ADGRV1: variants seen among roughly 807,000 people sequenced by gnomAD.
The protein encoded by ADGRV1 is G-protein coupled receptor 98.
Under a neutral mutation model 596.2 loss-of-function variants are expected in ADGRV1, and 359 were observed. The ratio of observed to expected loss-of-function variants is 0.60; its 90% CI spans 0.55 to 0.66. The LOEUF is 0.66. Ranked by LOEUF, ADGRV1 falls within the 30% of genes least tolerant of loss-of-function variation. ADGRV1 has a pLI of 0.00. For missense variants in ADGRV1, 7,274 were observed against 7,575.6 expected (o/e 0.96, Z 1.48); for synonymous variants, 2,681 against 2,679.2 (o/e 1.00, Z -0.02).
intron 83 of ADGRV1, among the ~76,000 whole-genome samples, chr5:90,882,540 C>A (rs2150548205): frequency 6.6e-6 from 1 of 152,264 alleles, no homozygotes. Context: ...AAATACTTTT[C>A]TCTGTGATAA....
chr5:91,131,389 G>A (rs183761489), intron 87 of ADGRV1, among the ~76,000 whole-genome samples: 15 of 148,296 alleles, frequency 1.0e-4, no homozygotes, highest in Non-Finnish European at 1.0e-4. Flanking sequence ...TTTGTTGACT[G>A]CTTGTATGTC....
rs577367928 is a variant in ADGRV1 at position 91,143,212 on chromosome 5, G to A, written c.18433-6818G>A. On this transcript the variant is annotated intron_variant, in intron 87 of 89. Transcript: ENST00000405460. ...GGACCTGCAGAGCCCCAAAGAGGGT[G>A]TCACTGCCCTGGCTTGGGGCACTCC... is the stretch of plus-strand genomic sequence containing the variant. Among the ~76,000 whole-genome samples, 35 of 152,354 alleles carry A rather than the reference G, an allele frequency of 2.3e-4. No individual in the cohort carries two copies. The South Asian group carries it at 6.6e-3, about 29-fold the overall frequency.
At chr5:90,939,852 G>A (rs1397066363) in intron 83 of ADGRV1, among the ~76,000 whole-genome samples, 2 of 152,128 alleles carry the variant, frequency 1.3e-5, no homozygotes, top group African/African-American at 2.4e-5. Context: ...GTGGCCTCAT[G>A]TGGAAAATAG....
In ADGRV1 at chr5:90,638,257, G is replaced by A. The variant is rs6889828; in HGVS notation, c.2240+309G>A. On this transcript the variant is annotated intron_variant, in intron 11 of 89. Transcript: ENST00000405460. ...ATGTTGTTATATTAAAAAAAAAATA[G>A]GCACCAGCAAATCTAAAATGTTAGG... is the stretch of plus-strand genomic sequence containing the variant. Among the ~76,000 whole-genome samples the A allele has an allele frequency of 0.18, 27,510 of 151,672 alleles. 2,682 individuals carry two copies. Among genetic ancestry groups the A allele is most frequent in the East Asian group, 0.4 (2,077 of 5,160 alleles).
intron 70 of ADGRV1, among the ~76,000 whole-genome samples, chr5:90,796,193 A>G (rs982815931): frequency 6.6e-6 from 1 of 152,212 alleles, no homozygotes; most frequent in Non-Finnish European, 1.5e-5. Flanking sequence ...CTAAGGGAGC[A>G]TATTCTAACC....
intron 76 of ADGRV1, among the ~76,000 whole-genome samples, chr5:90,824,432 C>A (rs1384805208): frequency 6.6e-6 from 1 of 152,232 alleles, no homozygotes; most frequent in Non-Finnish European, 1.5e-5. Context: ...AAAGTTGATG[C>A]AGGCAAATGT....
At chr5:90,681,899 G>A (rs560273404) in intron 27 of ADGRV1, among the ~76,000 whole-genome samples, 4 of 139,552 alleles carry the variant, frequency 2.9e-5, no homozygotes, top group African/African-American at 5.4e-5. Flanking sequence ...ACGGAGTTTC[G>A]CTCTTGTTGC....
intron 57 of ADGRV1, among the ~76,000 whole-genome samples, chr5:90,758,280 C>G (rs1346312319): frequency 6.6e-6 from 1 of 152,046 alleles, no homozygotes; most frequent in Non-Finnish European, 1.5e-5. Context: ...TTGCAGTGAG[C>G]CGAGATTGCA....
chr5:90,678,611 T>C (rs551304861), intron 25 of ADGRV1, among the ~76,000 whole-genome samples: 42 of 145,852 alleles, frequency 2.9e-4, no homozygotes, highest in African/African-American at 1.0e-3. Context: ...GGACTGCATC[T>C]TTTAGGGCAT....
intron 34 of ADGRV1, among the ~76,000 whole-genome samples, chr5:90,699,575 A>C (rs1204695380): frequency 6.6e-6 from 1 of 152,150 alleles, no homozygotes; most frequent in African/African-American, 2.4e-5. Context: ...TTTCTAAGGA[A>C]TACAAAACAA....
Position 90,728,703 on chromosome 5 carries a change from A to C in ADGRV1, c.10196A>C (p.His3399Pro), listed in dbSNP as rs1202597190. 2 of 1,612,348 alleles carry C rather than the reference A, an allele frequency of 1.2e-6. No individual in the cohort carries two copies. Among genetic ancestry groups the C allele is most frequent in the Non-Finnish European group, 1.7e-6 (2 of 1,178,714 alleles). Residue 3399 changes from histidine (H) to proline (P), a missense_variant, in exon 49 of 90, where the codon CAT becomes CCT. Coordinates refer to ENST00000405460, the MANE Select transcript of ADGRV1 (RefSeq NM_032119.4). ...TGGAATGGAGGAAGCTTCGTGTTGCATCAAAAACTCCCTGTCCGAGGTGTG... is the reference window on the plus strand; with the variant it reads ...TGGAATGGAGGAAGCTTCGTGTTGCCTCAAAAACTCCCTGTCCGAGGTGTG... ...FRWNGGSFVL[H>P]QKLPVRGVLT...
intron 87 of ADGRV1, among the ~76,000 whole-genome samples, chr5:91,144,907 G>C (rs1795404311): frequency 6.6e-6 from 1 of 152,220 alleles, no homozygotes; most frequent in Admixed American, 6.5e-5. Flanking sequence ...TGAGAATCCA[G>C]ATTCTCTCTT....
At chr5:90,768,864 T>C (rs1020684483) in intron 59 of ADGRV1, among the ~76,000 whole-genome samples, 1 of 152,072 alleles carries the variant, frequency 6.6e-6, no homozygotes, top group African/African-American at 2.4e-5. Context: ...GCTCTTGAGG[T>C]CAACACCTGT....
Position 90,711,258 on chromosome 5 carries a change from C to T in ADGRV1, c.8978C>T (p.Ser2993Phe). The change falls in exon 41 of 90, where the codon TCC (serine) becomes TTC (phenylalanine). Residue 2993 changes from serine (S) to phenylalanine (F), a missense_variant. Coordinates refer to ENST00000405460, the MANE Select transcript of ADGRV1 (RefSeq NM_032119.4). ...QRSREPLGHV[S>F]LFVYAQNLEA... ...AGCAGAGAACCTCTTGGCCATGTTT[C>T]CTTATTTGTGTATGCTCAGAATTTG... 6.2e-7 allele frequency: 1 copy of T among 1,613,058 alleles called. No homozygotes were observed. Among genetic ancestry groups the T allele is most frequent in the Non-Finnish European group, 8.5e-7 (1 of 1,179,268 alleles).
At chr5:90,789,157 G>A (rs1759800912) in intron 68 of ADGRV1, among the ~76,000 whole-genome samples, 1 of 152,110 alleles carries the variant, frequency 6.6e-6, no homozygotes, top group Non-Finnish European at 1.5e-5. Context: ...TTGTTTAGAT[G>A]AGGCCCATTC....
chr5:90,583,957 A>T (rs1273744668), intron 1 of ADGRV1, among the ~76,000 whole-genome samples: 1 of 152,216 alleles, frequency 6.6e-6, no homozygotes, highest in African/African-American at 2.4e-5. Context: ...TGTTAATAGA[A>T]AATGTATATT....
Position 90,778,426 on chromosome 5 carries a change from G to A in ADGRV1, c.12667-1G>A. 1 of 1,611,598 alleles carries A rather than the reference G, an allele frequency of 6.2e-7. No homozygotes were observed. Among genetic ancestry groups the A allele is most frequent in the Non-Finnish European group, 8.5e-7 (1 of 1,178,796 alleles). On this transcript the variant is annotated splice_acceptor_variant, in intron 62 of 89. Transcript: ENST00000405460. LOFTEE classifies it high-confidence loss of function. ...GTTGATGACTCTTTGTCTTTTTCTA[G>A]GCTTTGAACGATGACATTCCCGAGG...
intron 43 of ADGRV1, chr5:90,718,338 T>A (rs1282663072): frequency 6.6e-6 from 1 of 152,234 alleles, no homozygotes; most frequent in African/African-American, 2.4e-5. Flanking sequence ...ACAGCTAGAT[T>A]ATATTTTATT....
intron 85 of ADGRV1, among the ~76,000 whole-genome samples, chr5:91,059,897 T>G (rs1396457610): frequency 1.3e-5 from 2 of 152,166 alleles, no homozygotes; most frequent in Non-Finnish European, 2.9e-5. Context: ...AAATAAATAC[T>G]AATTAATAGT....
Sources: gnomAD v4.1 joint callset for allele counts (sites outside exome capture counted in the v4.1 genomes callset) on GRCh38, gnomAD v4.1.1 for gene constraint, MANE v1.5 for transcripts, NCBI Gene and HGNC (gene_info 2026-07-23, HGNC 2026-07-21) for gene names.